The following DNAH10 variants were observed in gnomAD, a reference collection of about 807,000 sequenced individuals.
DNAH10 encodes the protein dynein axonemal heavy chain 10, also known as axonemal beta dynein heavy chain 10.
A neutral mutation model predicts 506.6 loss-of-function variants in DNAH10; 348 were observed. The observed-to-expected ratio is 0.69, with a 90% CI of 0.63 to 0.75. The LOEUF is 0.75. DNAH10 is among the 30% of genes least tolerant of loss of function. The pLI is 0.00. For synonymous variants in DNAH10, 2,059 were observed against 2,198.6 expected (o/e 0.94, Z 1.78); for missense variants, 5,179 against 5,787.1 (o/e 0.89, Z 3.41).
chr12:123,846,195 G>A lies in DNAH10; in HGVS notation c.5814+41G>A. On this transcript the variant is annotated intron_variant, in intron 32 of 78. Transcript: ENST00000673944. This position sits in a 1 kb window ranked among gnomAD's most constrained non-coding sequence, Gnocchi z 4.5. Reference sequence around the variant, plus strand: ...GCACTTGTGGTTACCACTTACCTTGGGGCGGGGCATTTTCTCTAAGCTTGA... The same window carrying A: ...GCACTTGTGGTTACCACTTACCTTGAGGCGGGGCATTTTCTCTAAGCTTGA... 1 of 1,580,208 alleles carries A rather than the reference G, an allele frequency of 6.3e-7. No individual in the cohort carries two copies. Among genetic ancestry groups the A allele is most frequent in the South Asian group, 1.2e-5 (1 of 86,808 alleles).
At position 123,926,719 on chromosome 12, in the gene DNAH10, C is replaced by T; in HGVS notation, c.12004C>T (p.Pro4002Ser). The T allele has an allele frequency of 6.2e-7, 1 of 1,613,994 alleles. No individual in the cohort carries two copies. Among genetic ancestry groups the T allele is most frequent in the Non-Finnish European group, 8.5e-7 (1 of 1,179,896 alleles). The change falls in exon 69 of 79, where the codon CCT becomes TCT. Residue 4002 changes from proline (P) to serine (S), a missense_variant. Transcript: ENST00000673944. This position sits in a 1 kb window ranked among gnomAD's most constrained non-coding sequence, Gnocchi z 4.1. ...TTCGCCCATTGTGTTTATCCTGAGT[C>T]CTGGCTCCGACCCTGCCACTGATCT... ...PHSPIVFILS[P>S]GSDPATDLMK...
intron 62 of DNAH10, among the ~76,000 whole-genome samples, chr12:123,915,827 TGTTG>T (rs1954451853): frequency 6.6e-6 from 1 of 152,258 alleles, no homozygotes. Flanking sequence ...CCGCTGTGAA[TGTTG>T]GTGCACACGT....
In DNAH10 at chr12:123,914,907, AC is replaced by A; in HGVS notation, c.10632del (p.Thr3545ProfsTer43). ...GCTCTCCGTTCAGAATGGCATCCTCACCACCCGGGCCAGCCGCTTCCCTCTG... is the reference window on the plus strand; with the variant it reads ...GCTCTCCGTTCAGAATGGCATCCTCACACCCGGGCCAGCCGCTTCCCTCTG... The part of the protein sequence containing the change: ...DELSVQNGIL[T>X]TRASRFPLCI... On this transcript the variant is annotated frameshift_variant, in exon 62 of 79. Coordinates refer to ENST00000673944, the MANE Select transcript of DNAH10 (RefSeq NM_001372106.1). LOFTEE classifies it high-confidence loss of function. 6.2e-7 allele frequency: 1 copy of A among 1,612,542 alleles called. No individual in the cohort carries two copies. The highest frequency in any genetic ancestry group is 8.5e-7 in the Non-Finnish European group (1 of 1,179,472).
At chr12:123,776,200 G>A (rs1326358169) in intron 5 of DNAH10, among the ~76,000 whole-genome samples, 1 of 152,096 alleles carries the variant, frequency 6.6e-6, no homozygotes, top group Non-Finnish European at 1.5e-5. Flanking sequence ...GGTTATTTAG[G>A]CTCCAATCAG....
Position 123,898,797 on chromosome 12 carries a change from C to G in DNAH10, c.9623C>G (p.Ala3208Gly). The G allele has an allele frequency of 6.2e-7, 1 of 1,610,278 alleles. No homozygotes were observed. Among genetic ancestry groups the G allele is most frequent in the Non-Finnish European group, 8.5e-7 (1 of 1,178,352 alleles). Residue 3208 changes from alanine to glycine, a missense_variant, in exon 56 of 79, where the codon GCC becomes GGC. This residue lies in a region of DNAH10 where 4,844 missense variants were observed against 5,430.5 expected (regional missense o/e 0.89). Transcript: ENST00000673944. ...AACEALLEEI[A>G]VNTAVAEEKK... is the part of the protein sequence containing the mutation. The stretch of plus-strand genomic sequence containing the variant: ...TGCGAGGCCTTGCTGGAGGAGATCG[C>G]CGTCAACACCGCTGTAGGTGAGTGA...
In DNAH10 at chr12:123,864,697, C is replaced by A; in HGVS notation, c.7011C>A (p.Ile2337=). The A allele has an allele frequency of 6.8e-6, 11 of 1,613,910 alleles. No individual in the cohort carries two copies. The highest frequency in any genetic ancestry group is 9.3e-6 in the Non-Finnish European group (11 of 1,179,852). ...TGACATTGGCCAACGGGGAACGCAT[C>A]CGGCTCCAAGCACACTGTGCCCTGC... is the stretch of plus-strand genomic sequence containing the variant. ...RLLTLANGER[I]RLQAHCALLF... The change falls in exon 40 of 79, where the codon ATC becomes ATA. Residue 2337 remains isoleucine (I), a synonymous_variant. Coordinates refer to ENST00000673944, the MANE Select transcript of DNAH10 (RefSeq NM_001372106.1).
chr12:123,783,390 C>A, intron 7 of DNAH10, 126 bp downstream of exon 7: 1 of 1,169,272 alleles, frequency 8.6e-7, no homozygotes, highest in Non-Finnish European at 1.2e-6. Context: ...TTCCTTAAGC[C>A]ATCAAAATAA....
In DNAH10 at chr12:123,846,301, AC is replaced by A; in HGVS notation, c.5814+149del. On this transcript the variant is annotated intron_variant, in intron 32 of 78. Transcript: ENST00000673944. The surrounding 1 kb of genome is among the most constrained non-coding windows in gnomAD (Gnocchi z 4.5). ...GAAAAGCTTTTCCATTTGGGATGTG[AC>A]CAGATTGTCACCATTTGGGATTGGC... The A allele has an allele frequency of 8.7e-7, 1 of 1,145,818 alleles. No individual in the cohort carries two copies. The highest frequency in any genetic ancestry group is 1.2e-6 in the Non-Finnish European group (1 of 837,026). 71.0% of individuals were successfully genotyped at this position (1,145,818 alleles called of 1,614,324 possible). A position where few individuals can be genotyped will look rare whatever the true frequency, so the allele number is the denominator to read the frequency against.
chr12:123,913,274 C>T lies in DNAH10; in HGVS notation c.10311C>T (p.Ala3437=), dbSNP rs768318618. Residue 3437 remains alanine, a synonymous_variant, in exon 60 of 79, where the codon GCC becomes GCT. Transcript: ENST00000673944. This position sits in a 1 kb window ranked among gnomAD's most constrained non-coding sequence, Gnocchi z 5.1. ...AGATCATGGAGAGGCGGCTGATTGCCGCAGACAAACTCATCTCGGGTCTGG... is the reference window on the plus strand; with the variant it reads ...AGATCATGGAGAGGCGGCTGATTGCTGCAGACAAACTCATCTCGGGTCTGG... The part of the protein sequence containing the change: ...EAEIMERRLI[A]ADKLISGLGS... The T allele has an allele frequency of 1.4e-5, 23 of 1,605,914 alleles. No individual in the cohort carries two copies. The highest frequency in any genetic ancestry group is 4.5e-5 in the East Asian group (2 of 44,590).
Position 123,874,042 on chromosome 12 carries a change from C to T in DNAH10, c.7938+332C>T, listed in dbSNP as rs1019278182. Among the ~76,000 whole-genome samples, 12 of 152,004 alleles carry T rather than the reference C, an allele frequency of 7.9e-5. 1 individual carries two copies. Among genetic ancestry groups the T allele is most frequent in the African/African-American group, 2.7e-4 (11 of 41,348 alleles). On this transcript the variant is annotated intron_variant, in intron 46 of 78. Coordinates refer to ENST00000673944, the MANE Select transcript of DNAH10 (RefSeq NM_001372106.1). ...TAGATAATAATACTGTTGTTGGCCC[C>T]GTGTACATGGGAGGCATCAGGACAG... is the stretch of plus-strand genomic sequence containing the variant.
At position 123,873,557 on chromosome 12, in the gene DNAH10, G is replaced by C; in HGVS notation, c.7786-1G>C. The stretch of plus-strand genomic sequence containing the variant: ...TTTCACATCATCTCTTTCTGCTTCA[G>C]ATTGTGTTAATGGTCAACTTCTCCT... On this transcript the variant is annotated splice_acceptor_variant, in intron 45 of 78. Coordinates refer to ENST00000673944, the MANE Select transcript of DNAH10 (RefSeq NM_001372106.1). LOFTEE classifies it high-confidence loss of function. 1 of 1,607,148 alleles carries C rather than the reference G, an allele frequency of 6.2e-7. No individual in the cohort carries two copies. Among genetic ancestry groups the C allele is most frequent in the Non-Finnish European group, 8.5e-7 (1 of 1,177,030 alleles).
rs1961414299 is a variant in DNAH10, at chr12:123,838,440, C to G, written c.4903-16C>G. The G allele has an allele frequency of 6.2e-7, 1 of 1,606,928 alleles. No individual in the cohort carries two copies. Among genetic ancestry groups the G allele is most frequent in the South Asian group, 1.1e-5 (1 of 90,140 alleles). ...CTGCTCACCCTGCTTGACGGCTGTC[C>G]TCTGTTCTGGTCCAGATCATGGGTG... On this transcript the variant is annotated splice_polypyrimidine_tract_variant and intron_variant, in intron 28 of 78. Transcript: ENST00000673944.
At position 123,917,653 on chromosome 12, in the gene DNAH10, A is replaced by G; in HGVS notation, c.11072A>G (p.Glu3691Gly). 1 of 1,551,676 alleles carries G rather than the reference A, an allele frequency of 6.4e-7. No individual in the cohort carries two copies. Among genetic ancestry groups the G allele is most frequent in the Non-Finnish European group, 8.7e-7 (1 of 1,147,086 alleles). The part of the protein sequence containing the change: ...LVAYERRELE[E>G]QREHLIQETS... ...GCTTACGAGAGGCGGGAGCTGGAGG[A>G]GCAGCGGGAGCACCTCATCCAGGAG... The change falls in exon 64 of 79, where the codon GAG becomes GGG. Residue 3691 changes from glutamate (E) to glycine (G), a missense_variant. This residue lies in a region of DNAH10 where 4,844 missense variants were observed against 5,430.5 expected (regional missense o/e 0.89). Coordinates refer to ENST00000673944, the MANE Select transcript of DNAH10 (RefSeq NM_001372106.1). The surrounding 1 kb of genome is among the most constrained non-coding windows in gnomAD (Gnocchi z 5.6).
chr12:123,902,997 A>G lies in DNAH10; in HGVS notation c.9699A>G (p.Lys3233=), dbSNP rs2137294818. Residue 3233 remains lysine, a synonymous_variant, in exon 57 of 79, where the codon AAA becomes AAG. Transcript: ENST00000673944. The surrounding 1 kb of genome is among the most constrained non-coding windows in gnomAD (Gnocchi z 4.5). ...CCATGGAGATAGAGGAGCAGAACAA[A>G]GTCATTGCCATGGAGAAGGCCGAGG... ...EKAMEIEEQN[K]VIAMEKAEAE... is the part of the protein sequence containing the mutation. 1 of 1,598,748 alleles carries G rather than the reference A, an allele frequency of 6.3e-7. No individual in the cohort carries two copies. Among genetic ancestry groups the G allele is most frequent in the Non-Finnish European group, 8.5e-7 (1 of 1,172,840 alleles).
chr12:123,817,102 T>G (rs1959166715), intron 21 of DNAH10, among the ~76,000 whole-genome samples: 3 of 150,022 alleles, frequency 2.0e-5, no homozygotes, highest in Non-Finnish European at 4.4e-5. Context: ...AGTCTAACTT[T>G]TTTTTTTTTT....
chr12:123,883,634 G>T (rs188811529), intron 51 of DNAH10, among the ~76,000 whole-genome samples: 1 of 152,124 alleles, frequency 6.6e-6, no homozygotes, highest in African/African-American at 2.4e-5. Context: ...TTATTGAGAC[G>T]TAGCCCCATC....
intron 52 of DNAH10, among the ~76,000 whole-genome samples, chr12:123,892,197 T>C (rs952260708): frequency 6.6e-6 from 1 of 152,248 alleles, no homozygotes; most frequent in Admixed American, 6.5e-5. Context: ...AAGAGGTTCA[T>C]GTGGCTCACA....
chr12:123,922,465 T>G (rs76535794), intron 65 of DNAH10, among the ~76,000 whole-genome samples: 8,589 of 152,004 alleles, frequency 0.057, 734 homozygotes, highest in African/African-American at 0.18. Context: ...AAGCAGAGGG[T>G]GGGTAGGACA....
chr12:123,930,707 G>C, intron 73 of DNAH10, 134 bp downstream of exon 73: 1 of 854,858 alleles, frequency 1.2e-6, no homozygotes, highest in East Asian at 3.0e-5. Flanking sequence ...TAGGTGGCTC[G>C]GCAGACGCTT....
Sources: gnomAD v4.1 joint callset for allele counts (sites outside exome capture counted in the v4.1 genomes callset) on GRCh38, gnomAD v4.1.1 for gene constraint, gnomAD v4.1.1 regional missense constraint, Gnocchi (gnomAD v3.1) non-coding constraint, MANE v1.5 for transcripts, NCBI Gene and HGNC (gene_info 2026-07-23, HGNC 2026-07-21) for gene names.